The following HMGA2 variants were observed in gnomAD, a reference collection of about 807,000 sequenced individuals.
HMGA2 encodes high mobility group protein HMGI-C.
A neutral mutation model predicts 19.1 loss-of-function variants in HMGA2; 8 were observed. That is an observed-to-expected ratio of 0.42 (90% CI 0.25 to 0.76). The LOEUF is 0.76. HMGA2 is among the 30% of genes least tolerant of loss of function. The pLI is 0.28. For missense variants in HMGA2, 109 were observed against 136.3 expected, an observed-to-expected ratio of 0.80 and a Z score of 1.00; for synonymous variants, 60 against 48.8, an observed-to-expected ratio of 1.23 and a Z score of -0.96.
chr12:65,861,947 C>T (rs546566182), intron 3 of HMGA2, among the ~76,000 whole-genome samples: 9 of 151,744 alleles, frequency 5.9e-5, no homozygotes, highest in Middle Eastern at 3.4e-3. Flanking sequence ...CCAGTTCAAG[C>T]GATTCTCCTG....
At chr12:65,961,189 C>T (rs1343446667) in intron 4 of HMGA2, among the ~76,000 whole-genome samples, 1 of 152,158 alleles carries the variant, frequency 6.6e-6, no homozygotes, top group African/African-American at 2.4e-5. Context: ...TCAGAGTAGT[C>T]ACCTAAGTCC....
chr12:65,872,054 G>A (rs1164514573), intron 3 of HMGA2, among the ~76,000 whole-genome samples: 4 of 152,172 alleles, frequency 2.6e-5, no homozygotes, highest in Admixed American at 2.6e-4. Flanking sequence ...GAGGCAACAG[G>A]ATGCCAGCCA....
intron 4 of HMGA2, chr12:65,954,061 T>G (rs1876538827): frequency 1.3e-5 from 2 of 152,186 alleles, no homozygotes; most frequent in Admixed American, 1.3e-4. Context: ...CAGACCTACG[T>G]TTTTCTTTCT....
chr12:65,905,538 C>T (rs573132436), intron 3 of HMGA2, among the ~76,000 whole-genome samples: 2 of 152,274 alleles, frequency 1.3e-5, no homozygotes, highest in East Asian at 3.9e-4. Context: ...TAAAATACCT[C>T]ATGTCCAAAC....
Position 65,826,420 on chromosome 12 carries a change from C to T in HMGA2, c.111+1039C>T, listed in dbSNP as rs547524023. The T allele has an allele frequency of 3.3e-5, 5 of 152,340 alleles. No individual in the cohort carries two copies. The South Asian group carries it at 1.0e-3, about 32-fold the overall frequency. The allele number at this position is 152,340 out of a possible 1,614,324, so 9.4% of individuals were successfully genotyped here. ...TGGAGCGGGATATGTCTATTGAGAA[C>T]ATTTAAACTCCACTTTCTCGGGCTT... On this transcript the variant is annotated intron_variant, in intron 1 of 4. Transcript: ENST00000403681.
At chr12:65,933,617 C>A (rs1272742610) in intron 3 of HMGA2, among the ~76,000 whole-genome samples, 1 of 152,166 alleles carries the variant, frequency 6.6e-6, no homozygotes, top group Non-Finnish European at 1.5e-5. Flanking sequence ...CCAAACTATA[C>A]CTTGCTTCCT....
At chr12:65,844,295 A>T (rs765599811) in intron 3 of HMGA2, among the ~76,000 whole-genome samples, 1 of 152,144 alleles carries the variant, frequency 6.6e-6, no homozygotes. Flanking sequence ...GCATTTTTAA[A>T]ATACATGCTT....
intron 3 of HMGA2, among the ~76,000 whole-genome samples, chr12:65,910,440 C>A (rs928647760): frequency 1.3e-5 from 2 of 152,206 alleles, no homozygotes; most frequent in Non-Finnish European, 2.9e-5. Flanking sequence ...ACTTAAAAAT[C>A]TTTACACCGT....
chr12:65,947,038 A>G (rs1876291048), intron 3 of HMGA2, among the ~76,000 whole-genome samples: 1 of 152,038 alleles, frequency 6.6e-6, no homozygotes, highest in Admixed American at 6.6e-5. Context: ...GCAGAGAACT[A>G]CTCACTGAAA....
In HMGA2 at chr12:65,964,862, C is replaced by T. The variant is rs983553048; in HGVS notation, c.*1570C>T. 1.0e-5 allele frequency: 2 copies of T among 193,442 alleles called. No homozygotes were observed. The highest frequency in any genetic ancestry group is 2.2e-5 in the Non-Finnish European group (2 of 92,510). The allele number at this position is 193,442 out of a possible 1,614,324, so 12.0% of individuals were successfully genotyped here. A position where few individuals can be genotyped will look rare whatever the true frequency, so the allele number is the denominator to read the frequency against. ...GATAATTTTCCTCAATCACACTACA[C>T]ATCACACAAGATTTGACTGTAATAT... On this transcript the variant is annotated 3_prime_UTR_variant, in exon 5 of 5. Coordinates refer to ENST00000403681, the MANE Select transcript of HMGA2 (RefSeq NM_003483.6).
In HMGA2 at chr12:65,825,361, C is replaced by T. The variant is rs914226102; in HGVS notation, c.91C>T (p.Arg31Cys). The T allele has an allele frequency of 1.3e-6, 2 of 1,533,748 alleles. No individual in the cohort carries two copies. The highest frequency in any genetic ancestry group is 1.4e-5 in the African/African-American group (1 of 71,200). ...APAPQKRGRG[R>C]PRKQQQEPTG... The stretch of plus-strand genomic sequence containing the variant: ...AGCGCCTCAGAAGAGAGGACGCGGC[C>T]GCCCCAGGAAGCAGCAGCAAGTCAG... The change falls in exon 1 of 5, where the codon CGC becomes TGC. Residue 31 changes from arginine (R) to cysteine (C), a missense_variant. Coordinates refer to ENST00000403681, the MANE Select transcript of HMGA2 (RefSeq NM_003483.6). This position sits in a 1 kb window ranked among gnomAD's most constrained non-coding sequence, Gnocchi z 4.4.
chr12:65,915,333 C>G (rs1875054282), intron 3 of HMGA2: 2 of 1,381,650 alleles, frequency 1.4e-6, no homozygotes, highest in African/African-American at 1.5e-5. Context: ...CACTGCTACC[C>G]CATATGGCAC....
rs1310285494 is a variant in HMGA2, at chr12:65,825,219, G to A, written c.-52G>A. 19 of 1,453,836 alleles carry A rather than the reference G, an allele frequency of 1.3e-5. No individual in the cohort carries two copies. Among genetic ancestry groups the A allele is most frequent in the Non-Finnish European group, 1.8e-5 (19 of 1,081,556 alleles). 90.1% of individuals were successfully genotyped at this position (1,453,836 alleles called of 1,614,324 possible). A position where few individuals can be genotyped will look rare whatever the true frequency, so the allele number is the denominator to read the frequency against. ...TCCCGAAAGGTGCTGGGCAGCTCCG[G>A]GGCGGTCGAGGCGAAGCGGCTGCAG... On this transcript the variant is annotated 5_prime_UTR_variant, in exon 1 of 5. Coordinates refer to ENST00000403681, the MANE Select transcript of HMGA2 (RefSeq NM_003483.6). This position sits in a 1 kb window ranked among gnomAD's most constrained non-coding sequence, Gnocchi z 4.4.
intron 3 of HMGA2, among the ~76,000 whole-genome samples, chr12:65,915,937 C>G (rs1345139150): frequency 6.6e-6 from 1 of 152,164 alleles, no homozygotes; most frequent in Non-Finnish European, 1.5e-5. Flanking sequence ...ATCCAAATGA[C>G]CTAACCCAGG....
chr12:65,866,243 CT>C (rs1872405074), intron 3 of HMGA2, among the ~76,000 whole-genome samples: 1 of 152,168 alleles, frequency 6.6e-6, no homozygotes, highest in Non-Finnish European at 1.5e-5. Context: ...GGTCCCTAGT[CT>C]TGTGGCTCTT....
chr12:65,899,743 A>G (rs553829272), intron 3 of HMGA2, among the ~76,000 whole-genome samples: 30 of 152,300 alleles, frequency 2.0e-4, no homozygotes, highest in African/African-American at 6.7e-4. Context: ...TGTTATTTTT[A>G]TGAAGATAAT....
At chr12:65,936,997 AT>A (rs996087448) in intron 3 of HMGA2, among the ~76,000 whole-genome samples, 118 of 152,190 alleles carry the variant, frequency 7.8e-4, no homozygotes, top group African/African-American at 2.4e-3. Flanking sequence ...CCAGTGAGTT[AT>A]TTGGAGGAGA....
intron 4 of HMGA2, chr12:65,952,174 C>T: frequency 1.8e-6 from 1 of 551,772 alleles, no homozygotes; most frequent in Non-Finnish European, 3.2e-6. Context: ...TGTTCTCTTC[C>T]CTTCTGTATG....
intron 3 of HMGA2, among the ~76,000 whole-genome samples, chr12:65,869,008 C>T (rs1019959373): frequency 1.3e-5 from 2 of 152,144 alleles, no homozygotes; most frequent in Non-Finnish European, 2.9e-5. Flanking sequence ...TCTACTTATG[C>T]TTTAAGAGGT....
Sources: allele counts gnomAD v4.1 joint callset (sites outside exome capture counted in the v4.1 genomes callset), GRCh38; gene constraint gnomAD v4.1.1; non-coding constraint Gnocchi (gnomAD v3.1); transcripts MANE v1.5; gene names NCBI Gene and HGNC (gene_info 2026-07-23, HGNC 2026-07-21).